Variants in CDH8 observed in about 807,000 individuals in gnomAD.
CDH8 encodes cadherin-8.
Under a neutral mutation model 68.1 loss-of-function variants are expected in CDH8, and 17 were observed. That is an observed-to-expected ratio of 0.25 (90% CI 0.17 to 0.37). CDH8 has a LOEUF of 0.37. Among genes scored for constraint, CDH8 ranks in the 10% least tolerant of loss-of-function variants. The probability of loss-of-function intolerance (pLI) is 1.00; values close to 1 mark genes in which losing one functional copy is unlikely to be tolerated. For missense variants in CDH8, 763 were observed against 999.3 expected (o/e 0.76, Z 3.19); for synonymous variants, 372 against 365.1 (o/e 1.02, Z -0.21).
chr16:61,747,752 T>A (rs1960057837), intron 8 of CDH8, among the ~76,000 whole-genome samples: 2 of 150,482 alleles, frequency 1.3e-5, no homozygotes, highest in East Asian at 1.9e-4. Flanking sequence ...ATGGTAAAAT[T>A]AAAAAAAAAT....
At chr16:61,932,683 G>T (rs1406273206) in intron 2 of CDH8, among the ~76,000 whole-genome samples, 1 of 152,094 alleles carries the variant, frequency 6.6e-6, no homozygotes, top group Admixed American at 6.5e-5. Flanking sequence ...GAGTGAATAC[G>T]TCAGAGTTGT....
chr16:61,714,082 T>C (rs1350245991), intron 9 of CDH8, 124 bp from the exon 10 acceptor site: 2 of 717,074 alleles, frequency 2.8e-6, no homozygotes, highest in Admixed American at 4.6e-5. Context: ...TTCAGCTTTC[T>C]AAATTGTCAT....
intron 1 of CDH8, among the ~76,000 whole-genome samples, chr16:62,032,768 CTTTGG>C (rs1365838086): frequency 6.6e-6 from 1 of 152,148 alleles, no homozygotes; most frequent in Non-Finnish European, 1.5e-5. Flanking sequence ...CCTTGAAAGC[CTTTGG>C]TTTTGCATGG....
At chr16:61,907,678 CAAA>C (rs568772782) in intron 2 of CDH8, among the ~76,000 whole-genome samples, 3 of 124,222 alleles carry the variant, frequency 2.4e-5, no homozygotes, top group African/African-American at 6.0e-5. Context: ...GACCCTGTTG[CAAA>C]AAAAAAAAAA....
intron 8 of CDH8, among the ~76,000 whole-genome samples, chr16:61,746,343 G>A (rs991091542): frequency 6.6e-6 from 1 of 152,000 alleles, no homozygotes; most frequent in Admixed American, 6.6e-5. Flanking sequence ...TATGCCCTGT[G>A]AGTTGAATCA....
chr16:61,726,700 A>G, intron 9 of CDH8: 1 of 269,478 alleles, frequency 3.7e-6, no homozygotes, highest in Non-Finnish European at 6.9e-6. Context: ...TTTCACTATT[A>G]TTTGGTATTC....
intron 3 of CDH8, among the ~76,000 whole-genome samples, chr16:61,886,946 A>T: frequency 6.6e-6 from 1 of 152,248 alleles, no homozygotes; most frequent in Non-Finnish European, 1.5e-5. Flanking sequence ...GTAACTAGAG[A>T]ATACACACAG....
chr16:61,913,633 G>A lies in CDH8; in HGVS notation c.253-12160C>T, dbSNP rs113037800. Among the ~76,000 whole-genome samples the A allele has an allele frequency of 2.6e-3, 396 of 152,062 alleles. 1 individual carries two copies. Among genetic ancestry groups the A allele is most frequent in the Non-Finnish European group, 4.8e-3 (324 of 67,970 alleles). On this transcript the variant is annotated intron_variant, in intron 2 of 11. Transcript: ENST00000577390. ...TGTTTGTGTGTGTGTGCATGTGTAC[G>A]TTTCTCCCTTCTCCATTCCACAAAC...
At chr16:61,918,464 TGCGCGA>T (rs950417182) in intron 2 of CDH8, 32 of 152,754 alleles carry the variant, frequency 2.1e-4, no homozygotes, top group African/African-American at 7.2e-4. Flanking sequence ...GCGCGCACCA[TGCGCGA>T]GCCGAAGCAG....
At chr16:61,935,163 A>C (rs1964609539) in intron 2 of CDH8, among the ~76,000 whole-genome samples, 1 of 152,204 alleles carries the variant, frequency 6.6e-6, no homozygotes, top group Non-Finnish European at 1.5e-5. Flanking sequence ...TAGAAGAGGC[A>C]AAAGTAGAAC....
intron 4 of CDH8, among the ~76,000 whole-genome samples, chr16:61,831,209 G>T (rs1459984050): frequency 6.6e-6 from 1 of 151,720 alleles, no homozygotes; most frequent in Non-Finnish European, 1.5e-5. Context: ...GCAAACAAGA[G>T]AATTCAACTA....
intron 8 of CDH8, among the ~76,000 whole-genome samples, chr16:61,780,855 A>C (rs1206232390): frequency 1.3e-5 from 2 of 152,182 alleles, no homozygotes; most frequent in African/African-American, 2.4e-5. Context: ...AGATGGTTTA[A>C]TTGTACACTT....
At chr16:61,898,476 G>GT (rs1963908458) in intron 3 of CDH8, among the ~76,000 whole-genome samples, 1 of 152,088 alleles carries the variant, frequency 6.6e-6, no homozygotes, top group Admixed American at 6.6e-5. Context: ...TTGTAGGTAG[G>GT]TAAGAAAAGA....
chr16:62,029,519 T>C (rs1222286569), intron 1 of CDH8, among the ~76,000 whole-genome samples: 3 of 152,184 alleles, frequency 2.0e-5, no homozygotes, highest in African/African-American at 7.2e-5. Flanking sequence ...AGGGCTGCAT[T>C]TTTACTGTCC....
intron 4 of CDH8, among the ~76,000 whole-genome samples, chr16:61,848,861 G>A (rs561215291): frequency 4.6e-5 from 7 of 151,950 alleles, no homozygotes; most frequent in African/African-American, 9.7e-5. Context: ...CTTCTTCAAC[G>A]TATTAATTCA....
intron 3 of CDH8, among the ~76,000 whole-genome samples, chr16:61,864,275 T>C (rs368080174): frequency 1.3e-3 from 194 of 144,740 alleles, no homozygotes; most frequent in African/African-American, 5.3e-3. Flanking sequence ...GGTTGGTTGG[T>C]TGGTTGGCTG....
chr16:61,858,902 G>A (rs538731284), intron 3 of CDH8, among the ~76,000 whole-genome samples: 4 of 152,274 alleles, frequency 2.6e-5, no homozygotes, highest in African/African-American at 9.6e-5. Context: ...AATGGTGGCA[G>A]GGAGTATCGG....
chr16:61,983,513 T>A (rs1965573396), intron 2 of CDH8, among the ~76,000 whole-genome samples: 1 of 152,226 alleles, frequency 6.6e-6, no homozygotes, highest in Non-Finnish European at 1.5e-5. Flanking sequence ...TCTTCCAAGA[T>A]AATACCAAAT....
At chr16:61,766,093 G>A in intron 8 of CDH8, among the ~76,000 whole-genome samples, 1 of 151,838 alleles carries the variant, frequency 6.6e-6, no homozygotes, top group African/African-American at 2.4e-5. Flanking sequence ...CATCACCCAA[G>A]TAGTGTACAT....
Sources: allele counts gnomAD v4.1 joint callset (sites outside exome capture counted in the v4.1 genomes callset), GRCh38; gene constraint gnomAD v4.1.1; transcripts MANE v1.5; gene names NCBI Gene and HGNC (gene_info 2026-07-23, HGNC 2026-07-21).